CLSTN1: variants seen among roughly 807,000 people sequenced by gnomAD.
The protein encoded by CLSTN1 is calsyntenin 1.
CLSTN1 carries 28 observed loss-of-function variants against 108.3 expected under a neutral mutation model. The observed-to-expected ratio is 0.26, with a 90% CI of 0.19 to 0.35. The LOEUF is 0.35. CLSTN1 is among the 10% of genes least tolerant of loss of function. The pLI is 1.00. For synonymous variants in CLSTN1, 524 were observed against 534.9 expected (o/e 0.98, Z 0.28); for missense variants, 1,157 against 1,302.6 (o/e 0.89, Z 1.72).
At position 9,809,838 on chromosome 1, in the gene CLSTN1, T is replaced by G. The variant is rs185831655; in HGVS notation, c.91+13805A>C. ...ACTGCTGGAACCTGGGGGACAGAGG[T>G]TGCAGTGAACCGAGATCACACCACC... On this transcript the variant is annotated intron_variant, in intron 1 of 18. Transcript: ENST00000377298. Among the ~76,000 whole-genome samples the G allele has an allele frequency of 4.5e-3, 669 of 148,022 alleles. 8 individuals carry two copies. Among genetic ancestry groups the G allele is most frequent in the Middle Eastern group, 0.017 (5 of 286 alleles).
chr1:9,786,178 G>A (rs1298659005), intron 1 of CLSTN1, among the ~76,000 whole-genome samples: 1 of 151,990 alleles, frequency 6.6e-6, no homozygotes, highest in Admixed American at 6.6e-5. Context: ...GACAGAGCGA[G>A]ACCTGCCTCA....
chr1:9,740,894 G>C (rs547226856), intron 10 of CLSTN1, among the ~76,000 whole-genome samples, 200 bp downstream of exon 10: 1 of 152,236 alleles, frequency 6.6e-6, no homozygotes, highest in African/African-American at 2.4e-5. Flanking sequence ...CACCTTTATG[G>C]AGCACCTACA....
At chr1:9,735,215 C>T (rs773245104) in intron 13 of CLSTN1, 41 bp from the exon 14 acceptor site, 59 of 1,602,314 alleles carry the variant, frequency 3.7e-5, no homozygotes, top group East Asian at 8.9e-5. Flanking sequence ...CTTTGGGAGC[C>T]GATCTTGGAG....
intron 1 of CLSTN1, among the ~76,000 whole-genome samples, chr1:9,788,750 C>T (rs537303164): frequency 1.3e-5 from 2 of 149,802 alleles, no homozygotes; most frequent in African/African-American, 4.9e-5. Flanking sequence ...TGCCTGCAGT[C>T]CCAGCTCCTC....
intron 1 of CLSTN1, among the ~76,000 whole-genome samples, chr1:9,792,416 G>A (rs1570499203): frequency 6.6e-6 from 1 of 151,586 alleles, no homozygotes. Context: ...GAGATTTCCA[G>A]CAGCAAAGGC....
chr1:9,812,334 G>T (rs1654794566), intron 1 of CLSTN1, among the ~76,000 whole-genome samples: 1 of 152,124 alleles, frequency 6.6e-6, no homozygotes, highest in Non-Finnish European at 1.5e-5. Context: ...AAGCCACTTA[G>T]AATAAAAGGC....
chr1:9,820,164 G>A (rs981930946), intron 1 of CLSTN1, among the ~76,000 whole-genome samples: 4 of 152,042 alleles, frequency 2.6e-5, no homozygotes, highest in African/African-American at 4.8e-5. Context: ...GTGAGCCACC[G>A]AGGCTGGCCC....
In CLSTN1 at chr1:9,730,649, TTCC is replaced by T. The variant is rs1650317901; in HGVS notation, c.2802_2804del (p.Glu935del). On this transcript the variant is annotated inframe_deletion, in exon 19 of 19. Coordinates refer to ENST00000377298, the MANE Select transcript of CLSTN1 (RefSeq NM_001009566.3). The surrounding 1 kb of genome is among the most constrained non-coding windows in gnomAD (Gnocchi z 5.6). The stretch of plus-strand genomic sequence containing the variant: ...CATCCTCTTCTTCGCCGTCCTCGCT[TTCC>T]TCTTCCTCTTCCTCTTCCTCCTCCT... 2 of 1,607,180 alleles carry T rather than the reference TTCC, an allele frequency of 1.2e-6. No individual in the cohort carries two copies. The highest frequency in any genetic ancestry group is 1.3e-5 in the African/African-American group (1 of 74,796).
rs749345073 is a variant in CLSTN1 at position 9,730,126 on chromosome 1, G to A, written c.*382C>T. 2 of 268,892 alleles carry A rather than the reference G, an allele frequency of 7.4e-6. No individual in the cohort carries two copies. The highest frequency in any genetic ancestry group is 1.4e-5 in the Non-Finnish European group (2 of 139,624). The allele number at this position is 268,892 out of a possible 1,614,324, so 16.7% of individuals were successfully genotyped here. On this transcript the variant is annotated 3_prime_UTR_variant, in exon 19 of 19. Coordinates refer to ENST00000377298, the MANE Select transcript of CLSTN1 (RefSeq NM_001009566.3). The surrounding 1 kb of genome is among the most constrained non-coding windows in gnomAD (Gnocchi z 5.6). ...TTAAAAAAAGAAAAAAATGATTACCGGGTGGGAGTGAGCATGTTTTACCCT... is the reference window on the plus strand; with the variant it reads ...TTAAAAAAAGAAAAAAATGATTACCAGGTGGGAGTGAGCATGTTTTACCCT...
intron 1 of CLSTN1, among the ~76,000 whole-genome samples, chr1:9,776,481 G>A (rs1187177130): frequency 3.3e-5 from 5 of 151,908 alleles, no homozygotes; most frequent in African/African-American, 9.7e-5. Context: ...TGAACTGAAC[G>A]CTTCAAAATG....
intron 1 of CLSTN1, among the ~76,000 whole-genome samples, chr1:9,816,425 T>TA (rs1654972227): frequency 6.6e-6 from 1 of 151,970 alleles, no homozygotes; most frequent in Admixed American, 6.6e-5. Flanking sequence ...GTTCTGAAAT[T>TA]AGATAGTGGT....
At chr1:9,756,442 T>G (rs1651808056) in intron 3 of CLSTN1, 39 bp downstream of exon 3, 1 of 1,572,620 alleles carries the variant, frequency 6.4e-7, no homozygotes, top group Non-Finnish European at 8.7e-7. Flanking sequence ...AGTTAGTGGG[T>G]TAATATTCAT....
At chr1:9,801,827 A>C (rs1654284214) in intron 1 of CLSTN1, among the ~76,000 whole-genome samples, 2 of 152,176 alleles carry the variant, frequency 1.3e-5, no homozygotes, top group Admixed American at 1.3e-4. Context: ...AAGTGCTGGG[A>C]TTACAGGCGT....
intron 1 of CLSTN1, among the ~76,000 whole-genome samples, chr1:9,811,427 T>C (rs1654751759): frequency 6.6e-6 from 1 of 152,184 alleles, no homozygotes; most frequent in Admixed American, 6.5e-5. Flanking sequence ...AAATGTTTTC[T>C]ACAGGAATCA....
chr1:9,753,364 C>A (rs1199597138), intron 4 of CLSTN1, among the ~76,000 whole-genome samples: 12 of 152,066 alleles, frequency 7.9e-5, no homozygotes, highest in Non-Finnish European at 1.3e-4. Context: ...TGAGGTATGG[C>A]GACCCCTGTT....
At chr1:9,791,620 C>T (rs1337297910) in intron 1 of CLSTN1, among the ~76,000 whole-genome samples, 4 of 151,272 alleles carry the variant, frequency 2.6e-5, no homozygotes, top group Non-Finnish European at 5.9e-5. Flanking sequence ...CAACCTCCGC[C>T]TTCTGGGTTC....
At chr1:9,733,601 C>G in intron 15 of CLSTN1, 55 bp from the exon 16 acceptor site, 1 of 1,602,698 alleles carries the variant, frequency 6.2e-7, no homozygotes, top group South Asian at 1.1e-5. Context: ...GGAGCATGGG[C>G]AGGGCTGCAG....
chr1:9,788,804 C>T lies in CLSTN1; in HGVS notation c.92-15410G>A, dbSNP rs185673744. Among the ~76,000 whole-genome samples the T allele has an allele frequency of 1.1e-3, 157 of 140,436 alleles. 1 individual carries two copies. Among genetic ancestry groups the T allele is most frequent in the Middle Eastern group, 3.8e-3 (1 of 260 alleles). The allele number at this position is 140,436 out of a possible 152,430, so 92.1% of individuals were successfully genotyped here. On this transcript the variant is annotated intron_variant, in intron 1 of 18. Transcript: ENST00000377298. ...AATGGCGTGAACCCGGGAGGCGGAG[C>T]TTGCAGTGAGCCAAGATCACGCCAC... is the stretch of plus-strand genomic sequence containing the variant.
intron 7 of CLSTN1, among the ~76,000 whole-genome samples, chr1:9,745,765 G>GT (rs778360021): frequency 0.11 from 10,966 of 101,098 alleles, 1,209 homozygotes; most frequent in Non-Finnish European, 0.14. Context: ...CTGAATAGTT[G>GT]TTTTTTTTTT....
Sources: gnomAD v4.1 joint callset for allele counts (sites outside exome capture counted in the v4.1 genomes callset) on GRCh38, gnomAD v4.1.1 for gene constraint, Gnocchi (gnomAD v3.1) non-coding constraint, MANE v1.5 for transcripts, NCBI Gene and HGNC (gene_info 2026-07-23, HGNC 2026-07-21) for gene names.